Variants in GALNT13 observed in about 807,000 individuals in gnomAD.
GALNT13 encodes the protein polypeptide N-acetylgalactosaminyltransferase 13.
In GALNT13, 28 loss-of-function variants were observed where a neutral mutation model predicts 64.2. The ratio of observed to expected loss-of-function variants is 0.44; its 90% CI spans 0.32 to 0.60. The LOEUF is 0.60. Among genes scored for constraint, GALNT13 ranks in the 20% least tolerant of loss-of-function variants. GALNT13 has a pLI of 0.05. For synonymous variants in GALNT13, 214 were observed against 224.6 expected (o/e 0.95, Z 0.42); for missense variants, 577 against 669.8 (o/e 0.86, Z 1.53).
the GALNT13 span, among the ~76,000 whole-genome samples, chr2:153,740,919 C>T: frequency 6.6e-6 from 1 of 152,140 alleles, no homozygotes; most frequent in Non-Finnish European, 1.5e-5. Flanking sequence ...CGGCTCTCCT[C>T]TTAGATAAAC....
the GALNT13 span, among the ~76,000 whole-genome samples, chr2:153,643,793 A>T: frequency 6.6e-6 from 1 of 152,040 alleles, no homozygotes; most frequent in East Asian, 1.9e-4. Context: ...TGGTGGTTTG[A>T]TATTATAAAA....
chr2:154,033,133 C>T (rs1302587687), intron 3 of GALNT13, among the ~76,000 whole-genome samples: 2 of 151,600 alleles, frequency 1.3e-5, no homozygotes, highest in Admixed American at 1.3e-4. Context: ...AGATCTATAT[C>T]TAAAAAATGA....
chr2:153,827,138 T>C, the GALNT13 span, among the ~76,000 whole-genome samples: 125 of 151,958 alleles, frequency 8.2e-4, no homozygotes, highest in African/African-American at 2.8e-3. Context: ...AGTCACATCT[T>C]ATGTGGAAGG....
chr2:153,353,771 A>G, the GALNT13 span, among the ~76,000 whole-genome samples: 3 of 152,140 alleles, frequency 2.0e-5, no homozygotes. Context: ...CAAATGTTGA[A>G]CAAGTCTTAC....
At chr2:153,211,475 A>AT in the GALNT13 span, among the ~76,000 whole-genome samples, 1 of 152,042 alleles carries the variant, frequency 6.6e-6, no homozygotes, top group African/African-American at 2.4e-5. Flanking sequence ...AAAATGCAAC[A>AT]TTTTTTTCTA....
intron 10 of GALNT13, among the ~76,000 whole-genome samples, chr2:154,405,355 A>G (rs1699482082): frequency 6.6e-6 from 1 of 152,084 alleles, no homozygotes; most frequent in African/African-American, 2.4e-5. Flanking sequence ...ATTGGAAACT[A>G]AATTGTTCAA....
At chr2:153,732,078 C>T in the GALNT13 span, among the ~76,000 whole-genome samples, 1 of 151,888 alleles carries the variant, frequency 6.6e-6, no homozygotes, top group African/African-American at 2.4e-5. Context: ...AGGAGACATA[C>T]AATGAGTAGC....
chr2:154,280,194 CTGTT>C (rs1218770786), intron 8 of GALNT13, among the ~76,000 whole-genome samples: 1 of 152,104 alleles, frequency 6.6e-6, no homozygotes, highest in Non-Finnish European at 1.5e-5. Flanking sequence ...GCATGAGAGA[CTGTT>C]TATTTATTTA....
intron 3 of GALNT13, among the ~76,000 whole-genome samples, chr2:153,980,165 C>T (rs1160524222): frequency 2.0e-5 from 3 of 152,080 alleles, no homozygotes; most frequent in Non-Finnish European, 4.4e-5. Flanking sequence ...ACTGCTGGAG[C>T]ATAGGTGGAC....
At chr2:153,257,543 A>G in the GALNT13 span, among the ~76,000 whole-genome samples, 1 of 152,264 alleles carries the variant, frequency 6.6e-6, no homozygotes, top group African/African-American at 2.4e-5. Flanking sequence ...TAGAATAGAG[A>G]AACATTTTCA....
intron 3 of GALNT13, among the ~76,000 whole-genome samples, chr2:153,949,412 G>A (rs1236568375): frequency 6.6e-6 from 1 of 151,832 alleles, no homozygotes; most frequent in Non-Finnish European, 1.5e-5. Context: ...ATGGTGGTGT[G>A]TGCCTGTAAT....
the GALNT13 span, among the ~76,000 whole-genome samples, chr2:153,093,352 C>T: frequency 3.3e-5 from 5 of 150,696 alleles, no homozygotes; most frequent in African/African-American, 7.3e-5. Context: ...AATTCTCCTA[C>T]CTCAGCCTCT....
intron 3 of GALNT13, among the ~76,000 whole-genome samples, chr2:154,139,125 G>A (rs1056494067): frequency 1.3e-5 from 2 of 151,718 alleles, no homozygotes; most frequent in Non-Finnish European, 1.5e-5. Context: ...TCTCTTATAT[G>A]GTTTGACTCA....
At chr2:153,585,197 T>A in the GALNT13 span, among the ~76,000 whole-genome samples, 28 of 152,102 alleles carry the variant, frequency 1.8e-4, no homozygotes, top group Admixed American at 1.8e-3. Flanking sequence ...AGGAAGTGCA[T>A]AAGAAATTTA....
chr2:153,401,932 A>G, the GALNT13 span, among the ~76,000 whole-genome samples: 3 of 150,022 alleles, frequency 2.0e-5, no homozygotes, highest in Non-Finnish European at 4.4e-5. Context: ...TTTACATTTA[A>G]AGTTAATATT....
At chr2:153,378,596 T>C in the GALNT13 span, among the ~76,000 whole-genome samples, 1 of 152,124 alleles carries the variant, frequency 6.6e-6, no homozygotes, top group African/African-American at 2.4e-5. Flanking sequence ...TGTATGCAAA[T>C]TGGATAACAG....
chr2:153,721,116 G>T, the GALNT13 span, among the ~76,000 whole-genome samples: 26 of 147,126 alleles, frequency 1.8e-4, no homozygotes, highest in Non-Finnish European at 3.2e-4. Context: ...GGATCTCTCG[G>T]CAGAAACCCT....
the GALNT13 span, among the ~76,000 whole-genome samples, chr2:153,693,949 CA>C: frequency 1.3e-5 from 2 of 150,828 alleles, no homozygotes; most frequent in African/African-American, 2.4e-5. Flanking sequence ...ACTAAAATTA[CA>C]AAAAAAAATT....
intron 11 of GALNT13, among the ~76,000 whole-genome samples, chr2:154,420,713 A>G (rs899938003): frequency 2.0e-5 from 3 of 152,174 alleles, no homozygotes; most frequent in African/African-American, 7.2e-5. Flanking sequence ...TATTTTCACC[A>G]TAACCATTTT....
Sources: gnomAD v4.1 joint callset for allele counts (sites outside exome capture counted in the v4.1 genomes callset) on GRCh38, gnomAD v4.1.1 for gene constraint, MANE v1.5 for transcripts, NCBI Gene and HGNC (gene_info 2026-07-23, HGNC 2026-07-21) for gene names.